GRIA2: variants seen among roughly 807,000 people sequenced by gnomAD.
GRIA2 encodes glutamate receptor 2.
Under a neutral mutation model 97.3 loss-of-function variants are expected in GRIA2, and 14 were observed. That is an observed-to-expected ratio of 0.14 (90% CI 0.10 to 0.23). GRIA2 has a LOEUF of 0.23. GRIA2 is among the 10% of genes least tolerant of loss of function. The pLI is 1.00. For missense variants in GRIA2, 558 were observed against 1,069.8 expected, an observed-to-expected ratio of 0.52 and a Z score of 6.67; for synonymous variants, 412 against 387.8, an observed-to-expected ratio of 1.06 and a Z score of -0.73.
At chr4:157,254,390 T>C (rs2126749745) in intron 2 of GRIA2, among the ~76,000 whole-genome samples, 1 of 152,136 alleles carries the variant, frequency 6.6e-6, no homozygotes, top group South Asian at 2.1e-4. Context: ...CAAAACCAAT[T>C]TATGTCATAG....
rs1162845109 is a variant in GRIA2, at chr4:157,321,869, C to CAT, written c.882+271_882+272dup. Among the ~76,000 whole-genome samples, 9 of 152,110 alleles carry CAT rather than the reference C, an allele frequency of 5.9e-5. No individual in the cohort carries two copies. In the East Asian group the frequency reaches 1.7e-3, roughly 29 times the overall value. On this transcript the variant is annotated intron_variant, in intron 6 of 15. Coordinates refer to ENST00000264426, the MANE Select transcript of GRIA2 (RefSeq NM_001083619.3). ...TTCATTCATTTATTAATCCATTTGG[C>CAT]ATTTTTATTGAGTGGATTCTGAGCC...
intron 2 of GRIA2, among the ~76,000 whole-genome samples, chr4:157,264,097 T>G (rs1561017350): frequency 6.6e-6 from 1 of 152,136 alleles, no homozygotes; most frequent in African/African-American, 2.4e-5. Context: ...AGATGTATCA[T>G]GTGTTAAACT....
intron 2 of GRIA2, among the ~76,000 whole-genome samples, chr4:157,270,943 T>A (rs941173163): frequency 7.9e-5 from 12 of 151,814 alleles, no homozygotes; most frequent in African/African-American, 2.7e-4. Context: ...TTTTGCATTG[T>A]ACATTTTTAA....
intron 2 of GRIA2, among the ~76,000 whole-genome samples, chr4:157,256,226 A>AACAT (rs1554007393): frequency 8.3e-6 from 1 of 119,872 alleles, no homozygotes; most frequent in African/African-American, 3.4e-5. Context: ...TATAATATAT[A>AACAT]ATATATAATA....
chr4:157,346,225 T>G (rs1579381043), intron 12 of GRIA2, among the ~76,000 whole-genome samples: 1 of 152,156 alleles, frequency 6.6e-6, no homozygotes, highest in Admixed American at 6.6e-5. Flanking sequence ...CAAATAAAAA[T>G]GGCCTAGCCA....
chr4:157,298,209 A>C (rs901494400), intron 2 of GRIA2, among the ~76,000 whole-genome samples: 3 of 152,076 alleles, frequency 2.0e-5, no homozygotes, highest in African/African-American at 7.2e-5. Context: ...AAGGTGCAAG[A>C]GATGCTTAAG....
chr4:157,251,586 C>T (rs1044901164), intron 2 of GRIA2, among the ~76,000 whole-genome samples: 15 of 151,988 alleles, frequency 9.9e-5, no homozygotes, highest in East Asian at 1.9e-4. Context: ...TTGGTAGTGA[C>T]GGCTTGCTGA....
At chr4:157,308,084 A>C (rs1560758487) in intron 3 of GRIA2, among the ~76,000 whole-genome samples, 1 of 152,230 alleles carries the variant, frequency 6.6e-6, no homozygotes, top group Non-Finnish European at 1.5e-5. Flanking sequence ...TTTGGCAGTA[A>C]TCATTTTTAA....
At chr4:157,353,354 A>T (rs961963789) in intron 12 of GRIA2, among the ~76,000 whole-genome samples, 3 of 150,022 alleles carry the variant, frequency 2.0e-5, no homozygotes, top group Admixed American at 2.0e-4. Flanking sequence ...CTCTGTCTCA[A>T]AAACAAAACA....
At chr4:157,351,330 TA>T (rs1243534767) in intron 12 of GRIA2, among the ~76,000 whole-genome samples, 1 of 152,056 alleles carries the variant, frequency 6.6e-6, no homozygotes, top group Non-Finnish European at 1.5e-5. Context: ...ATAACACTAT[TA>T]AAAAATGAAA....
intron 12 of GRIA2, among the ~76,000 whole-genome samples, chr4:157,344,352 G>A (rs908459860): frequency 3.3e-5 from 5 of 151,960 alleles, no homozygotes; most frequent in African/African-American, 7.3e-5. Context: ...CTTTCCTTTG[G>A]TCCTAAGGAA....
chr4:157,323,421 G>A (rs1444467765), intron 6 of GRIA2, among the ~76,000 whole-genome samples: 1 of 147,258 alleles, frequency 6.8e-6, no homozygotes, highest in East Asian at 2.1e-4. Context: ...TTCTGAGCAG[G>A]TAGATGGATA....
intron 2 of GRIA2, among the ~76,000 whole-genome samples, chr4:157,271,083 T>C (rs956356843): frequency 6.6e-6 from 1 of 152,060 alleles, no homozygotes; most frequent in Admixed American, 6.6e-5. Context: ...TTCATACTAG[T>C]AGCGTATTAA....
chr4:157,228,275 T>C (rs1322457327), intron 2 of GRIA2, among the ~76,000 whole-genome samples: 1 of 152,220 alleles, frequency 6.6e-6, no homozygotes, highest in Non-Finnish European at 1.5e-5. Context: ...GTATTTGCTA[T>C]ACATATGGAT....
intron 2 of GRIA2, among the ~76,000 whole-genome samples, chr4:157,257,766 A>G (rs1731343861): frequency 6.6e-6 from 1 of 152,146 alleles, no homozygotes; most frequent in South Asian, 2.1e-4. Context: ...AATCTTGCTA[A>G]CTAAGCCTCA....
intron 4 of GRIA2, among the ~76,000 whole-genome samples, chr4:157,313,494 T>G (rs576661630): frequency 6.6e-6 from 1 of 152,246 alleles, no homozygotes; most frequent in East Asian, 1.9e-4. Context: ...ACACCAGTGA[T>G]AAGGATATTT....
intron 2 of GRIA2, among the ~76,000 whole-genome samples, chr4:157,259,099 G>A (rs1731412314): frequency 6.6e-6 from 1 of 151,946 alleles, no homozygotes; most frequent in African/African-American, 2.4e-5. Flanking sequence ...GTGGTGGTGT[G>A]CACCTGTGGT....
At chr4:157,223,946 T>C (rs756450671) in intron 2 of GRIA2, among the ~76,000 whole-genome samples, 5 of 152,208 alleles carry the variant, frequency 3.3e-5, no homozygotes, top group Non-Finnish European at 5.9e-5. Context: ...ATTCTCAATA[T>C]TTTTGAATTT....
Position 157,221,097 on chromosome 4 carries a change from A to G in GRIA2, c.55A>G (p.Ile19Val). 1 of 1,588,084 alleles carries G rather than the reference A, an allele frequency of 6.3e-7. No individual in the cohort carries two copies. Among genetic ancestry groups the G allele is most frequent in the Non-Finnish European group, 8.6e-7 (1 of 1,156,282 alleles). The part of the protein sequence containing the change: ...VLLSPVLWGL[I>V]FGVSSNSIQI... ...CCTTTCTCCTGTTTTATGGGGACTG[A>G]TTTTTGGTGTCTCTTCTAACAGCAT... The change falls in exon 1 of 16, where the codon ATT (isoleucine) becomes GTT (valine). Residue 19 changes from isoleucine (I) to valine (V), a missense_variant. Transcript: ENST00000264426.
Sources: gnomAD v4.1 joint callset for allele counts (sites outside exome capture counted in the v4.1 genomes callset) on GRCh38, gnomAD v4.1.1 for gene constraint, MANE v1.5 for transcripts, NCBI Gene and HGNC (gene_info 2026-07-23, HGNC 2026-07-21) for gene names.